Variants in FRMD4A observed in about 807,000 individuals in gnomAD.
FRMD4A encodes FERM domain containing 4A, also known as FERM domain-containing protein 4A.
FRMD4A carries 29 observed loss-of-function variants against 129.1 expected under a neutral mutation model. That is an observed-to-expected ratio of 0.22 (90% CI 0.17 to 0.31). FRMD4A has a LOEUF of 0.31. FRMD4A is among the 10% of genes least tolerant of loss of function. The pLI is 1.00. For missense variants in FRMD4A, 1,272 were observed against 1,375.8 expected, an observed-to-expected ratio of 0.92 and a Z score of 1.19; for synonymous variants, 634 against 571.6, an observed-to-expected ratio of 1.11 and a Z score of -1.56.
intron 2 of FRMD4A, among the ~76,000 whole-genome samples, chr10:13,890,195 C>T (rs1257355399): frequency 2.0e-5 from 3 of 152,182 alleles, no homozygotes; most frequent in Non-Finnish European, 2.9e-5. Flanking sequence ...CTTAATGCTA[C>T]GAATGGGCTT....
chr10:13,650,968 A>G (rs1405276593), intron 24 of FRMD4A: 2 of 152,238 alleles, frequency 1.3e-5, no homozygotes, highest in South Asian at 4.1e-4. Flanking sequence ...CACTTAATAC[A>G]TAAGTGTAGC....
At chr10:13,669,218 C>G (rs137914518) in intron 17 of FRMD4A, among the ~76,000 whole-genome samples, 1,969 of 152,234 alleles carry the variant, frequency 0.013, 26 homozygotes, top group Middle Eastern at 0.068. Context: ...CACCACCATG[C>G]CTGGCTAATG....
chr10:13,793,172 C>CT (rs1162846396), intron 5 of FRMD4A, among the ~76,000 whole-genome samples: 20,401 of 140,820 alleles, frequency 0.14, 1,664 homozygotes, highest in Non-Finnish European at 0.19. Flanking sequence ...CCCTCTGTTT[C>CT]TTTTTTTTTT....
At chr10:14,085,620 T>C (rs1349894579) in intron 2 of FRMD4A, among the ~76,000 whole-genome samples, 1 of 152,164 alleles carries the variant, frequency 6.6e-6, no homozygotes, top group South Asian at 2.1e-4. Context: ...CTGCCTCCCA[T>C]GTGAGAGGCC....
intron 2 of FRMD4A, among the ~76,000 whole-genome samples, chr10:14,106,046 C>G (rs1837571169): frequency 6.6e-6 from 1 of 152,176 alleles, no homozygotes. Context: ...CTTATTCTAT[C>G]ATTCCTATAT....
At chr10:13,703,187 G>A (rs532521625) in intron 13 of FRMD4A, among the ~76,000 whole-genome samples, 13 of 152,244 alleles carry the variant, frequency 8.5e-5, no homozygotes, top group East Asian at 1.9e-4. Flanking sequence ...CTCAGGTACC[G>A]GGAGGGCAGA....
At chr10:14,029,395 T>C (rs1382740298) in intron 2 of FRMD4A, among the ~76,000 whole-genome samples, 1 of 152,118 alleles carries the variant, frequency 6.6e-6, no homozygotes, top group African/African-American at 2.4e-5. Context: ...AAATGAATCA[T>C]CTGCTTCAAA....
At chr10:13,829,509 A>C (rs2093757361) in intron 3 of FRMD4A, among the ~76,000 whole-genome samples, 1 of 152,142 alleles carries the variant, frequency 6.6e-6, no homozygotes, top group Admixed American at 6.5e-5. Context: ...CAAAAAGCAA[A>C]AACCAGTGTT....
In FRMD4A at chr10:14,071,515, A is replaced by G. The variant is rs570026127; in HGVS notation, c.46-212603T>C. Among the ~76,000 whole-genome samples the G allele has an allele frequency of 3.3e-5, 5 of 152,382 alleles. No homozygotes were observed. The South Asian group carries it at 1.0e-3, about 32-fold the overall frequency. On this transcript the variant is annotated intron_variant, in intron 2 of 24. Transcript: ENST00000357447. ...TTTGTAAATGACTCAGTAATTTTCC[A>G]TCATCCGAAAACATTTTATATAAAG...
In FRMD4A at chr10:13,691,624, G is replaced by T. The variant is rs189292913; in HGVS notation, c.1117+2274C>A. Among the ~76,000 whole-genome samples, 24 of 152,310 alleles carry T rather than the reference G, an allele frequency of 1.6e-4. No homozygotes were observed. In the East Asian group the frequency reaches 4.6e-3, roughly 29 times the overall value. ...TTCTCAGGCTCTCCCCAGACCTACA[G>T]AATCAGGAGCTCTGAGAGGGGTTTT... On this transcript the variant is annotated intron_variant, in intron 15 of 24. Coordinates refer to ENST00000357447, the MANE Select transcript of FRMD4A (RefSeq NM_018027.5).
intron 2 of FRMD4A, among the ~76,000 whole-genome samples, chr10:13,867,204 C>G (rs1466878157): frequency 6.6e-6 from 1 of 152,126 alleles, no homozygotes; most frequent in East Asian, 1.9e-4. Flanking sequence ...CTATGGGTAT[C>G]CAATAGCGTT....
At chr10:14,077,478 AG>A (rs1400009877) in intron 2 of FRMD4A, among the ~76,000 whole-genome samples, 1 of 152,212 alleles carries the variant, frequency 6.6e-6, no homozygotes, top group East Asian at 1.9e-4. Context: ...TGAGACTTAA[AG>A]TGTGCTGTGC....
intron 8 of FRMD4A, among the ~76,000 whole-genome samples, chr10:13,757,066 A>G (rs934693200): frequency 6.6e-6 from 1 of 152,252 alleles, no homozygotes; most frequent in Non-Finnish European, 1.5e-5. Context: ...AAAGTATGTA[A>G]GAATCATAGA....
chr10:14,278,627 G>A (rs1038324978), intron 2 of FRMD4A, among the ~76,000 whole-genome samples: 8 of 152,170 alleles, frequency 5.3e-5, no homozygotes, highest in Admixed American at 3.3e-4. Context: ...GAAGCGGCAC[G>A]TGTTAGGTGG....
At chr10:13,771,323 T>C (rs2130737640) in intron 6 of FRMD4A, among the ~76,000 whole-genome samples, 1 of 152,352 alleles carries the variant, frequency 6.6e-6, no homozygotes, top group Admixed American at 6.5e-5. Context: ...GCCAACTGCC[T>C]TGGCCTCCCA....
At chr10:13,843,875 A>T (rs1299324218) in intron 3 of FRMD4A, among the ~76,000 whole-genome samples, 1 of 151,994 alleles carries the variant, frequency 6.6e-6, no homozygotes, top group East Asian at 1.9e-4. Flanking sequence ...CAGTGTAACC[A>T]CTCCCTGCAG....
rs1275944081 is a variant in FRMD4A, at chr10:13,707,131, T to C, written c.760-18A>G. 1.4e-6 allele frequency: 2 copies of C among 1,440,534 alleles called. No individual in the cohort carries two copies. The highest frequency in any genetic ancestry group is 1.7e-5 in the Admixed American group (1 of 59,772). 89.2% of individuals were successfully genotyped at this position (1,440,534 alleles called of 1,614,324 possible). A position where few individuals can be genotyped will look rare whatever the true frequency, so the allele number is the denominator to read the frequency against. On this transcript the variant is annotated intron_variant, in intron 12 of 24. Transcript: ENST00000357447. The stretch of plus-strand genomic sequence containing the variant: ...TGGAATATCTGGACAGAAAACAGTG[T>C]AGTTTAAAACTCAGGAGGGGCTGGC...
At chr10:14,200,320 CT>C (rs1261825857) in intron 2 of FRMD4A, among the ~76,000 whole-genome samples, 1 of 150,386 alleles carries the variant, frequency 6.6e-6, no homozygotes, top group Admixed American at 6.6e-5. Flanking sequence ...GAGACAGACT[CT>C]CACTCTGTCA....
At chr10:13,659,184 G>A (rs1253188295) in intron 21 of FRMD4A, 139 bp downstream of exon 21, 1 of 822,346 alleles carries the variant, frequency 1.2e-6, no homozygotes, top group Non-Finnish European at 2.0e-6. Flanking sequence ...TGCCAGCTTG[G>A]TTTTTTATTC....
Sources: gnomAD v4.1 joint callset for allele counts (sites outside exome capture counted in the v4.1 genomes callset) on GRCh38, gnomAD v4.1.1 for gene constraint, MANE v1.5 for transcripts, NCBI Gene and HGNC (gene_info 2026-07-23, HGNC 2026-07-21) for gene names.